ARHGAP15: variants seen among roughly 807,000 people sequenced by gnomAD.
The protein encoded by ARHGAP15 is Rho GTPase activating protein 15, also known as rho GTPase-activating protein 15.
ARHGAP15 carries 51 observed loss-of-function variants against 63.7 expected under a neutral mutation model. That is an observed-to-expected ratio of 0.80 (90% CI 0.64 to 1.01). The LOEUF is 1.01. Ranked by LOEUF, ARHGAP15 falls within the 50% of genes least tolerant of loss-of-function variation. The pLI, the probability that ARHGAP15 is intolerant of heterozygous loss-of-function variation, is 0.00. For missense variants in ARHGAP15, 560 were observed against 564.6 expected (o/e 0.99, Z 0.08); for synonymous variants, 191 against 193.8 (o/e 0.99, Z 0.12).
chr2:143,325,546 GGAAAATATTT>G (rs1558894264), intron 6 of ARHGAP15, among the ~76,000 whole-genome samples: 1 of 152,006 alleles, frequency 6.6e-6, no homozygotes, highest in Non-Finnish European at 1.5e-5. Flanking sequence ...ATTATCAAAC[GGAAAATATTT>G]GAAATTCAAG....
At chr2:143,718,394 A>G (rs1684904679) in intron 13 of ARHGAP15, among the ~76,000 whole-genome samples, 1 of 152,218 alleles carries the variant, frequency 6.6e-6, no homozygotes, top group African/African-American at 2.4e-5. Flanking sequence ...AGTAGCTACA[A>G]AACAGTAGAG....
At position 143,301,148 on chromosome 2, in the gene ARHGAP15, C is replaced by A. The variant is rs182497217; in HGVS notation, c.474+50548C>A. On this transcript the variant is annotated intron_variant, in intron 6 of 13. Transcript: ENST00000295095. ...ATGAGATGTTCCTGAAGTGTTATATCTAATACCCAAACACCAAGAATATAT... is the reference window on the plus strand; with the variant it reads ...ATGAGATGTTCCTGAAGTGTTATATATAATACCCAAACACCAAGAATATAT... 4.3e-3 allele frequency among the ~76,000 whole-genome samples: 646 copies of A among 151,878 alleles called. 1 individual carries two copies. The highest frequency in any genetic ancestry group is 6.9e-3 in the Non-Finnish European group (472 of 67,920).
Position 143,556,398 on chromosome 2 carries a change from T to C in ARHGAP15, c.926-10T>C. ...ATGTGCTAATATAAAATATGCCCTT[T>C]TGTCTTCAGGTCTAGATGTTGATGG... On this transcript the variant is annotated splice_polypyrimidine_tract_variant and intron_variant, in intron 10 of 13. Coordinates refer to ENST00000295095, the MANE Select transcript of ARHGAP15 (RefSeq NM_018460.4). 6.3e-7 allele frequency: 1 copy of C among 1,598,294 alleles called. No homozygotes were observed. The highest frequency in any genetic ancestry group is 1.1e-5 in the South Asian group (1 of 88,824).
chr2:143,436,000 T>A (rs564114699), intron 7 of ARHGAP15, among the ~76,000 whole-genome samples: 2 of 152,272 alleles, frequency 1.3e-5, no homozygotes, highest in East Asian at 3.9e-4. Flanking sequence ...TACTGATTTT[T>A]TTTTCATTTT....
chr2:143,309,591 G>A (rs1187588050), intron 6 of ARHGAP15, among the ~76,000 whole-genome samples: 6 of 152,008 alleles, frequency 3.9e-5, no homozygotes, highest in Admixed American at 3.9e-4. Flanking sequence ...GGCTAAGGAG[G>A]GTTAGTTGAT....
chr2:143,738,271 AG>A (rs1685832290), intron 13 of ARHGAP15, among the ~76,000 whole-genome samples: 1 of 152,148 alleles, frequency 6.6e-6, no homozygotes, highest in African/African-American at 2.4e-5. Flanking sequence ...TTTTTTTATC[AG>A]AGTAGCAAAT....
chr2:143,623,829 T>A (rs1220204292), intron 11 of ARHGAP15, among the ~76,000 whole-genome samples: 2 of 152,266 alleles, frequency 1.3e-5, no homozygotes, highest in South Asian at 2.1e-4. Context: ...CATGTTGAGC[T>A]GTGATGCTAA....
At chr2:143,155,737 TTTTA>T (rs1313134838) in intron 2 of ARHGAP15, 82 bp downstream of exon 2, 16 of 1,386,138 alleles carry the variant, frequency 1.2e-5, no homozygotes, top group African/African-American at 1.5e-5. Context: ...ATTAGTCTTG[TTTTA>T]TTTGTTTTCC....
At chr2:143,341,132 G>A (rs1046950815) in intron 6 of ARHGAP15, among the ~76,000 whole-genome samples, 1 of 151,924 alleles carries the variant, frequency 6.6e-6, no homozygotes, top group Non-Finnish European at 1.5e-5. Flanking sequence ...CTGCTTTTGT[G>A]GTCCTGTCAC....
chr2:143,663,956 A>C (rs887108102), intron 12 of ARHGAP15, among the ~76,000 whole-genome samples: 39 of 152,090 alleles, frequency 2.6e-4, no homozygotes, highest in African/African-American at 9.4e-4. Context: ...CCCACACATT[A>C]ATAATGGGAG....
At chr2:143,245,258 G>C (rs1216006043) in intron 5 of ARHGAP15, among the ~76,000 whole-genome samples, 1 of 152,128 alleles carries the variant, frequency 6.6e-6, no homozygotes, top group African/African-American at 2.4e-5. Flanking sequence ...AGTGGGAAGA[G>C]GAAGAGGACT....
chr2:143,752,104 C>A (rs1221016443), intron 13 of ARHGAP15, among the ~76,000 whole-genome samples: 1 of 152,128 alleles, frequency 6.6e-6, no homozygotes, highest in Non-Finnish European at 1.5e-5. Flanking sequence ...GCCCCCTTGG[C>A]TGCCCCTCAA....
At chr2:143,284,986 A>G (rs1489338308) in intron 6 of ARHGAP15, among the ~76,000 whole-genome samples, 8 of 152,182 alleles carry the variant, frequency 5.3e-5, no homozygotes, top group African/African-American at 1.4e-4. Context: ...TTGGAAATAA[A>G]TATTACAGAC....
At chr2:143,651,695 G>T (rs190350767) in intron 12 of ARHGAP15, among the ~76,000 whole-genome samples, 1 of 151,968 alleles carries the variant, frequency 6.6e-6, no homozygotes, top group African/African-American at 2.4e-5. Flanking sequence ...CAGTATAGGA[G>T]ATATGCATTT....
chr2:143,768,332 T>A lies in ARHGAP15; in HGVS notation c.*160T>A. The stretch of plus-strand genomic sequence containing the variant: ...ATTTTGTGTTTAAGTTCCAAACATT[T>A]GAATAAAATAATTGACAATATTTGC... On this transcript the variant is annotated 3_prime_UTR_variant, in exon 14 of 14. Transcript: ENST00000295095. 2 of 715,678 alleles carry A rather than the reference T, an allele frequency of 2.8e-6. No homozygotes were observed. The highest frequency in any genetic ancestry group is 1.9e-5 in the South Asian group (1 of 51,304). The allele number at this position is 715,678 out of a possible 1,614,324, so 44.3% of individuals were successfully genotyped here. A position where few individuals can be genotyped will look rare whatever the true frequency, so the allele number is the denominator to read the frequency against.
chr2:143,431,191 A>C (rs925657675), intron 6 of ARHGAP15, among the ~76,000 whole-genome samples: 4 of 152,040 alleles, frequency 2.6e-5, no homozygotes, highest in African/African-American at 9.7e-5. Flanking sequence ...CATAACTGAA[A>C]CCAAATTATC....
intron 1 of ARHGAP15, among the ~76,000 whole-genome samples, chr2:143,142,818 C>T (rs1341232588): frequency 2.0e-5 from 3 of 152,092 alleles, no homozygotes; most frequent in East Asian, 1.9e-4. Context: ...CATTTCATCA[C>T]GTTTTCTCCT....
At chr2:143,622,866 AG>A (rs1698693618) in intron 11 of ARHGAP15, among the ~76,000 whole-genome samples, 1 of 151,470 alleles carries the variant, frequency 6.6e-6, no homozygotes, top group African/African-American at 2.4e-5. Flanking sequence ...TTAGCAAAAC[AG>A]CCCATGCAGA....
At chr2:143,367,957 G>T (rs942263038) in intron 6 of ARHGAP15, among the ~76,000 whole-genome samples, 3 of 151,968 alleles carry the variant, frequency 2.0e-5, no homozygotes, top group Non-Finnish European at 4.4e-5. Flanking sequence ...GTCAGAAAAG[G>T]GTAGTTTATT....
Sources: gnomAD v4.1 joint callset for allele counts (sites outside exome capture counted in the v4.1 genomes callset) on GRCh38, gnomAD v4.1.1 for gene constraint, MANE v1.5 for transcripts, NCBI Gene and HGNC (gene_info 2026-07-23, HGNC 2026-07-21) for gene names.